Variants in BCKDHB observed in about 807,000 individuals in gnomAD.
BCKDHB encodes 2-oxoisovalerate dehydrogenase subunit beta, mitochondrial.
Under a neutral mutation model 48.5 loss-of-function variants are expected in BCKDHB, and 41 were observed. The ratio of observed to expected loss-of-function variants is 0.85; its 90% CI spans 0.66 to 1.10. The LOEUF is 1.10. BCKDHB is among the 50% of genes least tolerant of loss of function. The probability of loss-of-function intolerance (pLI) is 0.00; values close to 1 mark genes in which losing one functional copy is unlikely to be tolerated. For synonymous variants in BCKDHB, 201 were observed against 174.8 expected (o/e 1.15, Z -1.18); for missense variants, 496 against 494.2 (o/e 1.00, Z -0.03).
downstream of BCKDHB, among the ~76,000 whole-genome samples, chr6:80,348,906 A>C (rs1770317395): frequency 6.6e-6 from 1 of 152,190 alleles, no homozygotes; most frequent in African/African-American, 2.4e-5. Flanking sequence ...TGAATATACT[A>C]ATTAGAGATA....
intron 6 of BCKDHB, among the ~76,000 whole-genome samples, chr6:80,186,264 AG>A (rs1206242277): frequency 6.6e-6 from 1 of 152,126 alleles, no homozygotes; most frequent in Non-Finnish European, 1.5e-5. Flanking sequence ...CTCCTTGAGC[AG>A]GGCTTGCCGA....
At chr6:80,417,596 A>T in the BCKDHB span, among the ~76,000 whole-genome samples, 1 of 152,020 alleles carries the variant, frequency 6.6e-6, no homozygotes. Flanking sequence ...TTCACTTATG[A>T]TGTTTAGTTC....
At chr6:80,458,287 C>T in the BCKDHB span, among the ~76,000 whole-genome samples, 2 of 152,204 alleles carry the variant, frequency 1.3e-5, no homozygotes, top group Non-Finnish European at 2.9e-5. Context: ...AACCTAATTT[C>T]ACCTCCTGGG....
chr6:80,241,688 C>T (rs989116134), intron 8 of BCKDHB, among the ~76,000 whole-genome samples: 1 of 152,126 alleles, frequency 6.6e-6, no homozygotes, highest in African/African-American at 2.4e-5. Flanking sequence ...CTTCTCATTC[C>T]TACATTATCA....
At chr6:80,125,555 C>T (rs1253124002) in intron 1 of BCKDHB, among the ~76,000 whole-genome samples, 2 of 152,176 alleles carry the variant, frequency 1.3e-5, no homozygotes, top group Non-Finnish European at 2.9e-5. Context: ...TCATTTCTAA[C>T]TTACGATTTA....
rs1041417323 is a variant in BCKDHB at position 80,245,382 on chromosome 6, A to G, written c.952-27753A>G. Among the ~76,000 whole-genome samples, 6 of 152,256 alleles carry G rather than the reference A, an allele frequency of 3.9e-5. No individual in the cohort carries two copies. In the Middle Eastern group the frequency reaches 0.014, roughly 345 times the overall value. On this transcript the variant is annotated intron_variant, in intron 8 of 9. Coordinates refer to ENST00000320393, the MANE Select transcript of BCKDHB (RefSeq NM_183050.4). ...AAAAAAGGCTTTCAATAGGAAAAAA[A>G]AAATCCCCCAAAAGCTCAGGAAACA...
In BCKDHB at chr6:80,346,049, CT is replaced by C; in HGVS notation, c.*2250del. ...TTTTTATATTTCCTCCGACTTACCTCTTTTTGAAAAGAGAGTTTTTATTAAG... is the reference window on the plus strand; with the variant it reads ...TTTTTATATTTCCTCCGACTTACCTCTTTTGAAAAGAGAGTTTTTATTAAG... On this transcript the variant is annotated 3_prime_UTR_variant, in exon 10 of 10. Coordinates refer to ENST00000320393, the MANE Select transcript of BCKDHB (RefSeq NM_183050.4). The C allele has an allele frequency of 6.6e-6, 1 of 152,188 alleles. No homozygotes were observed. Among genetic ancestry groups the C allele is most frequent in the East Asian group, 1.9e-4 (1 of 5,180 alleles). The allele number at this position is 152,188 out of a possible 1,614,324, so 9.4% of individuals were successfully genotyped here.
At chr6:80,435,171 GCTGT>G in the BCKDHB span, among the ~76,000 whole-genome samples, 7 of 152,128 alleles carry the variant, frequency 4.6e-5, no homozygotes, top group African/African-American at 1.7e-4. Context: ...ATGGTCCTGT[GCTGT>G]CTGTTAGCCA....
the BCKDHB span, among the ~76,000 whole-genome samples, chr6:80,402,645 C>A: frequency 6.6e-6 from 1 of 151,538 alleles, no homozygotes; most frequent in Non-Finnish European, 1.5e-5. Flanking sequence ...GCTTTTATTG[C>A]CTGTACTTTT....
At chr6:80,435,304 G>A in the BCKDHB span, among the ~76,000 whole-genome samples, 3 of 152,108 alleles carry the variant, frequency 2.0e-5, no homozygotes, top group African/African-American at 7.2e-5. Context: ...CTTATTTGTT[G>A]TTTAAATTTA....
chr6:80,422,102 G>C, the BCKDHB span, among the ~76,000 whole-genome samples: 2 of 152,138 alleles, frequency 1.3e-5, no homozygotes, highest in East Asian at 3.9e-4. Flanking sequence ...TTTTGGGGCT[G>C]GGCCCAGGAC....
At chr6:80,152,652 A>G (rs1256508511) in intron 3 of BCKDHB, among the ~76,000 whole-genome samples, 1 of 152,214 alleles carries the variant, frequency 6.6e-6, no homozygotes, top group Non-Finnish European at 1.5e-5. Flanking sequence ...TTTAGCTTAC[A>G]TAAAGTTAAG....
At chr6:80,414,679 G>A in the BCKDHB span, among the ~76,000 whole-genome samples, 3 of 152,088 alleles carry the variant, frequency 2.0e-5, no homozygotes, top group African/African-American at 4.8e-5. Flanking sequence ...ACAATTTTAA[G>A]TCAGGTAACT....
At chr6:80,210,134 A>G (rs71565084) in intron 8 of BCKDHB, among the ~76,000 whole-genome samples, 1 of 77,326 alleles carries the variant, frequency 1.3e-5, no homozygotes, top group Non-Finnish European at 2.7e-5. Context: ...GAAGAAATAT[A>G]CAAAAAAAAA....
At chr6:80,207,034 C>T (rs566712939) in intron 8 of BCKDHB, among the ~76,000 whole-genome samples, 52 of 151,970 alleles carry the variant, frequency 3.4e-4, no homozygotes, top group Non-Finnish European at 5.5e-4. Context: ...TTTAGGCAAA[C>T]AGATATTGAG....
At chr6:80,273,354 G>A in intron 9 of BCKDHB, 133 bp downstream of exon 9, 1 of 712,202 alleles carries the variant, frequency 1.4e-6, no homozygotes, top group Non-Finnish European at 2.3e-6. Context: ...TTCATATACT[G>A]TGATAAGTAA....
chr6:80,238,859 G>T (rs778571554), intron 8 of BCKDHB, among the ~76,000 whole-genome samples: 2 of 151,888 alleles, frequency 1.3e-5, no homozygotes. Flanking sequence ...TGTTTAGTTT[G>T]CTGTCCTTGT....
the BCKDHB span, among the ~76,000 whole-genome samples, chr6:80,437,954 C>A: frequency 6.6e-6 from 1 of 152,174 alleles, no homozygotes; most frequent in South Asian, 2.1e-4. Context: ...AACCTTGGTG[C>A]ACTGTCTTCC....
At chr6:80,115,990 A>G (rs939411116) in intron 1 of BCKDHB, among the ~76,000 whole-genome samples, 8 of 152,174 alleles carry the variant, frequency 5.3e-5, no homozygotes, top group African/African-American at 1.7e-4. Context: ...TGCCGAACGT[A>G]TTGGCACAAC....
Sources: gnomAD v4.1 joint callset for allele counts (sites outside exome capture counted in the v4.1 genomes callset) on GRCh38, gnomAD v4.1.1 for gene constraint, MANE v1.5 for transcripts, NCBI Gene and HGNC (gene_info 2026-07-23, HGNC 2026-07-21) for gene names.